CIT: variants seen among roughly 807,000 people sequenced by gnomAD.
The protein encoded by CIT is citron rho-interacting serine/threonine kinase, also known as citron Rho-interacting kinase.
Under a neutral mutation model 272.7 loss-of-function variants are expected in CIT, and 79 were observed. The observed-to-expected ratio is 0.29, with a 90% confidence interval of 0.24 to 0.35. CIT has a LOEUF of 0.35. Among genes scored for constraint, CIT ranks in the 10% least tolerant of loss-of-function variants. The pLI, the probability that CIT is intolerant of heterozygous loss-of-function variation, is 1.00. For missense variants in CIT, 1,909 were observed against 2,618.3 expected (o/e 0.73, Z 5.91); for synonymous variants, 948 against 995.6 (o/e 0.95, Z 0.90).
intron 8 of CIT, among the ~76,000 whole-genome samples, chr12:119,823,988 G>A (rs1328835135): frequency 2.4e-5 from 3 of 123,588 alleles, no homozygotes; most frequent in African/African-American, 6.4e-5. Flanking sequence ...GCAGTGAGCC[G>A]ATATTGTGCC....
At chr12:119,688,759 AG>A (rs1454080879) in intron 47 of CIT, among the ~76,000 whole-genome samples, 1 of 152,252 alleles carries the variant, frequency 6.6e-6, no homozygotes, top group Non-Finnish European at 1.5e-5. Flanking sequence ...AAAATTACAC[AG>A]ATCATTCATG....
intron 23 of CIT, among the ~76,000 whole-genome samples, chr12:119,748,050 G>T (rs148380683): frequency 6.6e-6 from 1 of 152,240 alleles, no homozygotes; most frequent in East Asian, 1.9e-4. Context: ...TATAGTCCCA[G>T]CTACTTGGGA....
intron 23 of CIT, among the ~76,000 whole-genome samples, chr12:119,748,470 T>C (rs1468997233): frequency 6.6e-6 from 1 of 152,162 alleles, no homozygotes; most frequent in Non-Finnish European, 1.5e-5. Context: ...ATGGTCAGGA[T>C]TCTAGAACGG....
chr12:119,767,916 T>C (rs1321150636), intron 18 of CIT, among the ~76,000 whole-genome samples: 8 of 151,818 alleles, frequency 5.3e-5, no homozygotes, highest in Non-Finnish European at 8.8e-5. Context: ...TTCCAGCTTT[T>C]TTTTTTTTTT....
Position 119,713,848 on chromosome 12 carries a change from C to G in CIT, c.4307-200G>C, listed in dbSNP as rs1197143191. On this transcript the variant is annotated intron_variant, in intron 33 of 47. Coordinates refer to ENST00000392521, the MANE Select transcript of CIT (RefSeq NM_001206999.2). This position sits in a 1 kb window ranked among gnomAD's most constrained non-coding sequence, Gnocchi z 5.2. ...AACAAAAGTGCCAAGTGCTCTTGAC[C>G]CAGTTTTCCAGGCTTCAATCCAGAC... The G allele has an allele frequency of 8.0e-6, 5 of 628,768 alleles. No homozygotes were observed. Among genetic ancestry groups the G allele is most frequent in the South Asian group, 3.9e-5 (2 of 51,266 alleles). The allele number at this position is 628,768 out of a possible 1,614,324, so 38.9% of individuals were successfully genotyped here.
chr12:119,862,849 C>CCA, intron 3 of CIT, among the ~76,000 whole-genome samples: 1 of 64,954 alleles, frequency 1.5e-5, no homozygotes, highest in Non-Finnish European at 3.2e-5. Context: ...AAGAAAAAAC[C>CCA]AAAAAAAAAA....
At chr12:119,714,941 A>G (rs1174896490) in intron 32 of CIT, among the ~76,000 whole-genome samples, 1 of 152,212 alleles carries the variant, frequency 6.6e-6, no homozygotes, top group Non-Finnish European at 1.5e-5. Context: ...ATGTCCACCA[A>G]TGGTGATATG....
Position 119,720,142 on chromosome 12 carries a change from G to A in CIT, c.3840+336C>T, listed in dbSNP as rs139003443. 8.5e-5 allele frequency among the ~76,000 whole-genome samples: 13 copies of A among 152,318 alleles called. No individual in the cohort carries two copies. The East Asian group carries it at 2.5e-3, about 29-fold the overall frequency. On this transcript the variant is annotated intron_variant, in intron 30 of 47. Coordinates refer to ENST00000392521, the MANE Select transcript of CIT (RefSeq NM_001206999.2). ...ACTTGCTAACTCCCTCTAGAGTCAT[G>A]TATGCATGACTTGGTATAAATCTTT...
At chr12:119,778,398 G>C (rs1963976377) in intron 13 of CIT, among the ~76,000 whole-genome samples, 1 of 152,120 alleles carries the variant, frequency 6.6e-6, no homozygotes, top group Non-Finnish European at 1.5e-5. Context: ...GGTGACTTGT[G>C]GGGTGAGGAC....
In CIT at chr12:119,783,908, A is replaced by G. The variant is rs752355316; in HGVS notation, c.1545T>C (p.Ser515=). ...GAAGGGGGCTTCAGGGAAGGCTCAC[A>G]CTGCATTCTGTGATGTAGGTAGCAA... The part of the protein sequence containing the change: ...QDLATYITEC[S]SLKRSLEQAR... The change falls in exon 12 of 48, where the codon AGT becomes AGC. Residue 515 remains serine, a splice_region_variant and synonymous_variant. Transcript: ENST00000392521. 10 of 1,581,544 alleles carry G rather than the reference A, an allele frequency of 6.3e-6. No individual in the cohort carries two copies. In the South Asian group the frequency reaches 1.2e-4, roughly 19 times the overall value.
At chr12:119,771,309 T>G (rs1963115899) in intron 17 of CIT, among the ~76,000 whole-genome samples, 1 of 151,852 alleles carries the variant, frequency 6.6e-6, no homozygotes, top group African/African-American at 2.4e-5. Context: ...AAAGAGGACT[T>G]TTAATTGGAC....
chr12:119,744,442 G>A (rs2049665204), intron 23 of CIT, among the ~76,000 whole-genome samples: 1 of 151,508 alleles, frequency 6.6e-6, no homozygotes, highest in Non-Finnish European at 1.5e-5. Context: ...TCTATAGGAG[G>A]CCAGGCGCAG....
At position 119,730,647 on chromosome 12, in the gene CIT, G is replaced by C. The variant is rs780855367; in HGVS notation, c.3351-17C>G. 5.6e-6 allele frequency: 9 copies of C among 1,610,764 alleles called. No individual in the cohort carries two copies. The highest frequency in any genetic ancestry group is 1.7e-5 in the Admixed American group (1 of 59,874). On this transcript the variant is annotated splice_polypyrimidine_tract_variant and intron_variant, in intron 26 of 47. Coordinates refer to ENST00000392521, the MANE Select transcript of CIT (RefSeq NM_001206999.2). The stretch of plus-strand genomic sequence containing the variant: ...GCTCTCGCCCTGCCAGAAAGACACA[G>C]GTCAGCTTTTGGTAGCCCCCCAACA...
rs912119874 is a variant in CIT at position 119,713,641 on chromosome 12, C to T, written c.4314G>A (p.Gln1438=). ...GRQASKCLEC[Q]VMCHPKCSTC... ...TGGAGCACTTGGGGTGACACATCAC[C>T]TGACATTCTAGGGAAGAACAGTGAG... is the stretch of plus-strand genomic sequence containing the variant. Residue 1438 remains glutamine, a synonymous_variant, in exon 34 of 48, where the codon CAG becomes CAA. Coordinates refer to ENST00000392521, the MANE Select transcript of CIT (RefSeq NM_001206999.2). The surrounding 1 kb of genome is among the most constrained non-coding windows in gnomAD (Gnocchi z 5.2). 8 of 1,614,112 alleles carry T rather than the reference C, an allele frequency of 5.0e-6. No homozygotes were observed. The Admixed American group carries it at 1.2e-4, about 24-fold the overall frequency.
At chr12:119,753,489 C>T (rs971389540) in intron 22 of CIT, among the ~76,000 whole-genome samples, 6 of 152,116 alleles carry the variant, frequency 3.9e-5, no homozygotes, top group African/African-American at 1.4e-4. Flanking sequence ...GTAATCCCAG[C>T]ACTTTGGGAG....
chr12:119,819,020 G>A (rs180994652), intron 9 of CIT, among the ~76,000 whole-genome samples: 167 of 152,252 alleles, frequency 1.1e-3, no homozygotes, highest in African/African-American at 3.9e-3. Flanking sequence ...CAGCTTTCCT[G>A]AAGCCCAGAA....
At position 119,691,152 on chromosome 12, in the gene CIT, A is replaced by G. The variant is rs927236558; in HGVS notation, c.5883-698T>C. The stretch of plus-strand genomic sequence containing the variant: ...GGACCACTGCACTCCAGCCTAAGTG[A>G]CAGAGCAAGACTCCGTCTCAAAAAA... On this transcript the variant is annotated intron_variant, in intron 46 of 47. Transcript: ENST00000392521. 2.1e-5 allele frequency among the ~76,000 whole-genome samples: 3 copies of G among 142,354 alleles called. No individual in the cohort carries two copies. The Admixed American group carries it at 2.2e-4, about 11-fold the overall frequency. 93.4% of individuals were successfully genotyped at this position (142,354 alleles called of 152,430 possible). A position where few individuals can be genotyped will look rare whatever the true frequency, so the allele number is the denominator to read the frequency against.
At chr12:119,834,365 T>G (rs1257073154) in intron 5 of CIT, 137 bp from the exon 6 acceptor site, 1 of 733,022 alleles carries the variant, frequency 1.4e-6, no homozygotes, top group Non-Finnish European at 2.2e-6. Context: ...AGGCACGCTG[T>G]AAGTCATGTA....
chr12:119,772,976 A>T, intron 16 of CIT, 66 bp from the exon 17 acceptor site: 2 of 1,338,628 alleles, frequency 1.5e-6, no homozygotes, highest in Non-Finnish European at 2.0e-6. Context: ...TGGTGACAGT[A>T]TGTTCTGCAC....
Sources: allele counts gnomAD v4.1 joint callset (sites outside exome capture counted in the v4.1 genomes callset), GRCh38; gene constraint gnomAD v4.1.1; non-coding constraint Gnocchi (gnomAD v3.1); transcripts MANE v1.5; gene names NCBI Gene and HGNC (gene_info 2026-07-23, HGNC 2026-07-21).